EPB41L2: variants seen among roughly 807,000 people sequenced by gnomAD.
The protein encoded by EPB41L2 is band 4.1-like protein 2.
A neutral mutation model predicts 113.0 loss-of-function variants in EPB41L2; 43 were observed. The ratio of observed to expected loss-of-function variants is 0.38; its 90% CI spans 0.30 to 0.49. The LOEUF is 0.49. EPB41L2 is among the 20% of genes least tolerant of loss of function. The probability of loss-of-function intolerance (pLI) is 0.95; values close to 1 mark genes in which losing one functional copy is unlikely to be tolerated. For synonymous variants in EPB41L2, 442 were observed against 436.7 expected, an observed-to-expected ratio of 1.01 and a Z score of -0.15; for missense variants, 1,147 against 1,223.4, an observed-to-expected ratio of 0.94 and a Z score of 0.93.
chr6:130,869,394 C>T (rs568269919), intron 15 of EPB41L2, among the ~76,000 whole-genome samples, 169 bp downstream of exon 15: 5 of 152,200 alleles, frequency 3.3e-5, no homozygotes, highest in Non-Finnish European at 5.9e-5. Context: ...ATGAACTGGG[C>T]GGGCAGAAAA....
At chr6:130,966,355 T>C (rs1775176536) in intron 1 of EPB41L2, among the ~76,000 whole-genome samples, 1 of 152,208 alleles carries the variant, frequency 6.6e-6, no homozygotes, top group South Asian at 2.1e-4. Flanking sequence ...ACTCCAATTA[T>C]TAAGTACATT....
At chr6:130,976,242 C>A (rs73774344) in intron 1 of EPB41L2, among the ~76,000 whole-genome samples, 3 of 152,066 alleles carry the variant, frequency 2.0e-5, no homozygotes, top group African/African-American at 7.2e-5. Flanking sequence ...ATCATTGATA[C>A]TGACATATCT....
chr6:130,942,923 A>T (rs1811380319), intron 3 of EPB41L2, among the ~76,000 whole-genome samples: 1 of 152,220 alleles, frequency 6.6e-6, no homozygotes, highest in African/African-American at 2.4e-5. Context: ...AAAGGACACG[A>T]ACTGATGCTT....
At chr6:131,009,241 C>T (rs190355496) in intron 1 of EPB41L2, among the ~76,000 whole-genome samples, 316 of 152,236 alleles carry the variant, frequency 2.1e-3, no homozygotes, top group Non-Finnish European at 3.6e-3. Context: ...AAGGGGCTTT[C>T]CCCCTTCAGT....
chr6:130,905,559 C>T lies in EPB41L2; in HGVS notation c.854-1019G>A, dbSNP rs146718682. Among the ~76,000 whole-genome samples, 1,205 of 152,014 alleles carry T rather than the reference C, an allele frequency of 7.9e-3. 13 individuals carry two copies. Among genetic ancestry groups the T allele is most frequent in the African/African-American group, 0.027 (1,134 of 41,458 alleles). On this transcript the variant is annotated intron_variant, in intron 5 of 19. Transcript: ENST00000337057. ...CTAGCCTCCCAAGTAGCTGGGACCA[C>T]AGGCATGCGCTACGATGTCCGGCTA... is the stretch of plus-strand genomic sequence containing the variant.
chr6:130,898,144 T>C (rs1004789443), intron 8 of EPB41L2, among the ~76,000 whole-genome samples: 1 of 151,902 alleles, frequency 6.6e-6, no homozygotes, highest in Non-Finnish European at 1.5e-5. Context: ...AGAATGCTTA[T>C]TTCTGCATAA....
At chr6:130,889,643 G>A (rs987974711) in intron 11 of EPB41L2, among the ~76,000 whole-genome samples, 3 of 152,180 alleles carry the variant, frequency 2.0e-5, no homozygotes, top group South Asian at 2.1e-4. Context: ...TTTTATGTTC[G>A]TCTGGATTAA....
chr6:131,020,948 C>T (rs970128031), intron 1 of EPB41L2, among the ~76,000 whole-genome samples: 65 of 152,126 alleles, frequency 4.3e-4, no homozygotes, highest in African/African-American at 1.5e-3. Context: ...TGCCACCCCA[C>T]CAGGCTAATT....
intron 1 of EPB41L2, among the ~76,000 whole-genome samples, chr6:130,971,353 G>A (rs193201347): frequency 3.2e-4 from 49 of 152,296 alleles, no homozygotes; most frequent in Non-Finnish European, 6.0e-4. Flanking sequence ...ACCTCAGCAT[G>A]CGATTTTTTT....
chr6:130,974,702 T>TTTC lies in EPB41L2; in HGVS notation c.-14-18204_-14-18203insGAA, dbSNP rs1562638803. Among the ~76,000 whole-genome samples, 77 of 147,308 alleles carry TTTC rather than the reference T, an allele frequency of 5.2e-4. 1 individual carries two copies. The highest frequency in any genetic ancestry group is 1.2e-4 in the Non-Finnish European group (8 of 66,912). On this transcript the variant is annotated intron_variant, in intron 1 of 19. Transcript: ENST00000337057. ...AGACTTTTCCACTAAGGCAGCCTCTTTTTTCTTTTCTTTTCTTTTTTTTTT... is the reference window on the plus strand; with the variant it reads ...AGACTTTTCCACTAAGGCAGCCTCTTTTCTTTTCTTTTCTTTTCTTTTTTTTTT...
intron 1 of EPB41L2, among the ~76,000 whole-genome samples, chr6:131,037,208 C>A (rs1793506635): frequency 6.6e-6 from 1 of 152,174 alleles, no homozygotes; most frequent in Non-Finnish European, 1.5e-5. Context: ...ATCTACAGAA[C>A]GCTAAGCTTA....
At position 130,902,884 on chromosome 6, in the gene EPB41L2, T is replaced by C. The variant is rs150537702; in HGVS notation, c.929+1581A>G. Among the ~76,000 whole-genome samples the C allele has an allele frequency of 2.3e-3, 356 of 152,302 alleles. 1 individual carries two copies. The highest frequency in any genetic ancestry group is 8.4e-3 in the African/African-American group (349 of 41,562). On this transcript the variant is annotated intron_variant, in intron 6 of 19. Transcript: ENST00000337057. ...ACTATGAAGCATTCTTCAAACATTA[T>C]TCGAAATAGTGTTCTTGCCCTTCTC...
chr6:131,005,162 C>G (rs1441007734), intron 1 of EPB41L2, among the ~76,000 whole-genome samples: 1 of 150,496 alleles, frequency 6.6e-6, no homozygotes, highest in African/African-American at 2.4e-5. Flanking sequence ...ACGGTGCTTA[C>G]TTGATCTTTT....
At chr6:131,043,612 T>C (rs930246745) in intron 1 of EPB41L2, among the ~76,000 whole-genome samples, 19 of 151,992 alleles carry the variant, frequency 1.3e-4, no homozygotes, top group African/African-American at 3.9e-4. Flanking sequence ...ACAGAACCAA[T>C]AGATTAAAGA....
intron 1 of EPB41L2, among the ~76,000 whole-genome samples, chr6:131,025,919 T>C (rs763568601): frequency 6.6e-6 from 1 of 152,074 alleles, no homozygotes; most frequent in Non-Finnish European, 1.5e-5. Flanking sequence ...TTTAAGAGTA[T>C]ACAAAAGTCA....
rs1429494187 is a variant in EPB41L2, at chr6:130,839,999, A to G, written c.*605T>C. ...AGGACTGGAAAGTCAAAAGGGTCCAATATAAAAAACATCCCTGTGAAATTC... is the reference window on the plus strand; with the variant it reads ...AGGACTGGAAAGTCAAAAGGGTCCAGTATAAAAAACATCCCTGTGAAATTC... On this transcript the variant is annotated 3_prime_UTR_variant, in exon 20 of 20. Transcript: ENST00000337057. The G allele has an allele frequency of 6.6e-6, 1 of 152,246 alleles. No homozygotes were observed. Among genetic ancestry groups the G allele is most frequent in the Non-Finnish European group, 1.5e-5 (1 of 68,038 alleles). 9.4% of individuals were successfully genotyped at this position (152,246 alleles called of 1,614,324 possible). A position where few individuals can be genotyped will look rare whatever the true frequency, so the allele number is the denominator to read the frequency against.
At position 130,880,413 on chromosome 6, in the gene EPB41L2, A is replaced by G. The variant is rs1191662752; in HGVS notation, c.1834-207T>C. 2.9e-5 allele frequency: 18 copies of G among 623,308 alleles called. No homozygotes were observed. The East Asian group carries it at 4.9e-4, about 17-fold the overall frequency. 38.6% of individuals were successfully genotyped at this position (623,308 alleles called of 1,614,324 possible). ...TCCCCACACAATACTAATGGCAGGC[A>G]GCAGTCATGAGATGTTTAACTTTAG... is the stretch of plus-strand genomic sequence containing the variant. On this transcript the variant is annotated intron_variant, in intron 12 of 19. Transcript: ENST00000337057.
chr6:130,863,262 G>T (rs934644396), intron 18 of EPB41L2, among the ~76,000 whole-genome samples: 4 of 152,176 alleles, frequency 2.6e-5, no homozygotes, highest in Non-Finnish European at 4.4e-5. Flanking sequence ...CCTAAAAGTA[G>T]GCATAGGTCA....
intron 1 of EPB41L2, among the ~76,000 whole-genome samples, chr6:130,991,631 C>T (rs1781895078): frequency 6.6e-6 from 1 of 152,038 alleles, no homozygotes; most frequent in African/African-American, 2.4e-5. Context: ...TATTTTTTTA[C>T]CGTTCAGCTC....
Sources: allele counts gnomAD v4.1 joint callset (sites outside exome capture counted in the v4.1 genomes callset), GRCh38; gene constraint gnomAD v4.1.1; transcripts MANE v1.5; gene names NCBI Gene and HGNC (gene_info 2026-07-23, HGNC 2026-07-21).